The following SPTLC1 variants were observed in gnomAD, a reference collection of about 807,000 sequenced individuals.
The protein encoded by SPTLC1 is serine palmitoyltransferase 1.
A neutral mutation model predicts 68.9 loss-of-function variants in SPTLC1; 55 were observed. The ratio of observed to expected loss-of-function variants is 0.80; its 90% confidence interval spans 0.64 to 1.00. The LOEUF (loss-of-function observed/expected upper bound fraction) is 1.00. Ranked by LOEUF, SPTLC1 falls within the 50% of genes least tolerant of loss-of-function variation. SPTLC1 has a pLI of 0.00. For missense variants in SPTLC1, 449 were observed against 573.1 expected, an observed-to-expected ratio of 0.78 and a Z score of 2.21; for synonymous variants, 197 against 201.6, an observed-to-expected ratio of 0.98 and a Z score of 0.19.
intron 3 of SPTLC1, among the ~76,000 whole-genome samples, chr9:92,101,348 G>T (rs1300128521): frequency 6.6e-6 from 1 of 151,770 alleles, no homozygotes; most frequent in Admixed American, 6.6e-5. Context: ...GGATCACGAG[G>T]TCAGGAGATC....
intron 9 of SPTLC1, among the ~76,000 whole-genome samples, chr9:92,049,117 G>A (rs912055428): frequency 6.6e-6 from 1 of 152,170 alleles, no homozygotes; most frequent in Non-Finnish European, 1.5e-5. Context: ...CTGCCTTGGA[G>A]GAGGTGCTTC....
chr9:92,074,473 G>A (rs572266550), intron 5 of SPTLC1, among the ~76,000 whole-genome samples: 5 of 151,854 alleles, frequency 3.3e-5, no homozygotes, highest in East Asian at 1.9e-4. Context: ...AACCTCCCTC[G>A]CAACCTCTCC....
chr9:92,075,515 C>G (rs966530996), intron 5 of SPTLC1, among the ~76,000 whole-genome samples: 1 of 152,190 alleles, frequency 6.6e-6, no homozygotes, highest in Non-Finnish European at 1.5e-5. Context: ...ACAGCAAAAA[C>G]GCAGGGCTGC....
chr9:92,110,988 A>G (rs1836217077), intron 2 of SPTLC1: 1 of 152,204 alleles, frequency 6.6e-6, no homozygotes, highest in Admixed American at 6.5e-5. Context: ...TTTTTAATCA[A>G]CCAAACAATA....
chr9:92,091,706 T>C (rs1356925295), intron 3 of SPTLC1, among the ~76,000 whole-genome samples: 1 of 152,238 alleles, frequency 6.6e-6, no homozygotes, highest in Non-Finnish European at 1.5e-5. Flanking sequence ...TATTAGTGTT[T>C]ACTATACAAA....
chr9:92,047,721 G>A lies in SPTLC1; in HGVS notation c.889-13C>T. The stretch of plus-strand genomic sequence containing the variant: ...CAATATCATCAATCTGCCGGAAAAG[G>A]AGGAGTGACAGTTATTCCACAGTTT... On this transcript the variant is annotated splice_polypyrimidine_tract_variant and intron_variant, in intron 9 of 14. Transcript: ENST00000262554. 6.3e-7 allele frequency: 1 copy of A among 1,586,010 alleles called. No homozygotes were observed. Among genetic ancestry groups the A allele is most frequent in the Non-Finnish European group, 8.7e-7 (1 of 1,154,780 alleles).
intron 12 of SPTLC1, among the ~76,000 whole-genome samples, chr9:92,041,147 T>A (rs955116529): frequency 6.6e-6 from 1 of 152,114 alleles, no homozygotes; most frequent in Non-Finnish European, 1.5e-5. Context: ...ACTATCTCTA[T>A]TACAATGAAA....
chr9:92,045,539 A>AC (rs1833482964), intron 12 of SPTLC1, among the ~76,000 whole-genome samples: 1 of 148,486 alleles, frequency 6.7e-6, no homozygotes, highest in Admixed American at 6.7e-5. Context: ...AAAAAAAAAA[A>AC]AAAAAAAAAA....
At chr9:92,095,269 T>A (rs940828831) in intron 3 of SPTLC1, among the ~76,000 whole-genome samples, 1 of 152,152 alleles carries the variant, frequency 6.6e-6, no homozygotes, top group Non-Finnish European at 1.5e-5. Flanking sequence ...AGGGAAAACT[T>A]GAATTCCTAT....
At chr9:92,101,583 GAGAAA>G (rs376991688) in intron 3 of SPTLC1, among the ~76,000 whole-genome samples, 12,180 of 122,448 alleles carry the variant, frequency 0.099, 1,392 homozygotes, top group African/African-American at 0.29. Context: ...AAAAAAAAAA[GAGAAA>G]AGAAAAAAGA....
intron 3 of SPTLC1, among the ~76,000 whole-genome samples, chr9:92,092,487 G>C (rs1835397666): frequency 6.6e-6 from 1 of 152,154 alleles, no homozygotes; most frequent in Non-Finnish European, 1.5e-5. Flanking sequence ...CCAGCACTTT[G>C]GGAGGTTAAG....
chr9:92,032,456 G>A lies in SPTLC1; in HGVS notation c.*9C>T. Reference sequence around the variant, plus strand: ...TGTGTGGCAGGAGGCCATGGTCCCGGGACTCTGCCTAGAGCAGGACGGCCT... The same window carrying A: ...TGTGTGGCAGGAGGCCATGGTCCCGAGACTCTGCCTAGAGCAGGACGGCCT... On this transcript the variant is annotated 3_prime_UTR_variant, in exon 15 of 15. Transcript: ENST00000262554. The A allele has an allele frequency of 6.2e-7, 1 of 1,614,162 alleles. No individual in the cohort carries two copies. Among genetic ancestry groups the A allele is most frequent in the Non-Finnish European group, 8.5e-7 (1 of 1,180,034 alleles).
chr9:92,070,638 C>G (rs1834444430), intron 5 of SPTLC1, among the ~76,000 whole-genome samples: 1 of 152,092 alleles, frequency 6.6e-6, no homozygotes. Context: ...GTAGTTAGGT[C>G]TGGGGGTTCA....
chr9:92,038,615 C>A (rs563648934), intron 12 of SPTLC1, among the ~76,000 whole-genome samples: 47 of 152,356 alleles, frequency 3.1e-4, no homozygotes, highest in African/African-American at 1.1e-3. Context: ...ATGGCCCCAG[C>A]CTCCCACCAG....
At chr9:92,081,813 G>A (rs1011734777) in intron 3 of SPTLC1, among the ~76,000 whole-genome samples, 6 of 152,162 alleles carry the variant, frequency 3.9e-5, no homozygotes, top group Non-Finnish European at 8.8e-5. Context: ...TCCATGTACT[G>A]GGTTGCTCTA....
At chr9:92,084,025 T>C (rs1835009977) in intron 3 of SPTLC1, among the ~76,000 whole-genome samples, 1 of 152,174 alleles carries the variant, frequency 6.6e-6, no homozygotes, top group Non-Finnish European at 1.5e-5. Context: ...AGTTCACTCA[T>C]GATTTGGCTC....
intron 3 of SPTLC1, 57 bp downstream of exon 3, chr9:92,108,683 C>T (rs1470373968): frequency 1.4e-5 from 22 of 1,579,896 alleles, no homozygotes; most frequent in Non-Finnish European, 1.8e-5. Context: ...GCACTATAGA[C>T]TGCAGGTTAC....
intron 5 of SPTLC1, among the ~76,000 whole-genome samples, chr9:92,069,369 T>A (rs1834402720): frequency 1.3e-5 from 2 of 152,228 alleles, no homozygotes; most frequent in Admixed American, 1.3e-4. Context: ...TGATTTCCAT[T>A]ACCAATTGGT....
At chr9:92,079,669 T>A in intron 5 of SPTLC1, 1 of 1,054,408 alleles carries the variant, frequency 9.5e-7, no homozygotes. Context: ...CCTGCGTGGC[T>A]AGTCATGGCA....
Sources: gnomAD v4.1 joint callset for allele counts (sites outside exome capture counted in the v4.1 genomes callset) on GRCh38, gnomAD v4.1.1 for gene constraint, MANE v1.5 for transcripts, NCBI Gene and HGNC (gene_info 2026-07-23, HGNC 2026-07-21) for gene names.